The following ZDHHC21 variants were observed in gnomAD, a reference collection of about 807,000 sequenced individuals.
ZDHHC21 encodes the protein zDHHC palmitoyltransferase 21.
A neutral mutation model predicts 34.6 loss-of-function variants in ZDHHC21; 15 were observed. The ratio of observed to expected loss-of-function variants is 0.43; its 90% CI spans 0.29 to 0.67. ZDHHC21 has a LOEUF of 0.67. ZDHHC21 is among the 30% of genes least tolerant of loss of function. ZDHHC21 has a pLI of 0.14. For synonymous variants in ZDHHC21, 142 were observed against 101.8 expected, an observed-to-expected ratio of 1.40 and a Z score of -2.38; for missense variants, 344 against 327.7, an observed-to-expected ratio of 1.05 and a Z score of -0.38.
chr9:14,682,173 C>A (rs960559076), intron 2 of ZDHHC21, among the ~76,000 whole-genome samples: 32 of 152,150 alleles, frequency 2.1e-4, no homozygotes, highest in Non-Finnish European at 3.7e-4. Flanking sequence ...ATGACAGGAT[C>A]AAATTCACAC....
chr9:14,643,142 C>T (rs186982228), intron 7 of ZDHHC21, among the ~76,000 whole-genome samples: 128 of 152,074 alleles, frequency 8.4e-4, no homozygotes, highest in African/African-American at 2.8e-3. Context: ...AGCTACTAGG[C>T]GGGGCTGAGG....
At chr9:14,671,276 T>C (rs1391966177) in intron 5 of ZDHHC21, among the ~76,000 whole-genome samples, 1 of 152,120 alleles carries the variant, frequency 6.6e-6, no homozygotes, top group Non-Finnish European at 1.5e-5. Context: ...ACCTTCTACA[T>C]GAGTCTTTTA....
intron 7 of ZDHHC21, among the ~76,000 whole-genome samples, chr9:14,640,471 T>G (rs1384787606): frequency 6.6e-6 from 1 of 152,146 alleles, no homozygotes; most frequent in Non-Finnish European, 1.5e-5. Context: ...GTGACCAAGA[T>G]ATCTAGAAAT....
intron 7 of ZDHHC21, among the ~76,000 whole-genome samples, chr9:14,640,440 A>C (rs1008831575): frequency 6.6e-6 from 1 of 152,124 alleles, no homozygotes; most frequent in Non-Finnish European, 1.5e-5. Flanking sequence ...ACACAGCATG[A>C]TTCATATTAC....
intron 3 of ZDHHC21, 55 bp from the exon 4 acceptor site, chr9:14,674,440 C>T: frequency 1.6e-6 from 2 of 1,213,920 alleles, no homozygotes; most frequent in East Asian, 2.9e-5. Context: ...TTGACTAAAA[C>T]CTGTATTTCT....
Position 14,612,660 on chromosome 9 carries a change from G to T in ZDHHC21, c.*6306C>A, listed in dbSNP as rs1823501428. 6.6e-6 allele frequency: 1 copy of T among 151,462 alleles called. No homozygotes were observed. Among genetic ancestry groups the T allele is most frequent in the Non-Finnish European group, 1.5e-5 (1 of 67,736 alleles). The allele number at this position is 151,462 out of a possible 1,614,324, so 9.4% of individuals were successfully genotyped here. ...GTTTTGCTTAAATCAAGGTACATATGCATTTCCTCTTGGGAAAGCATCTCT... is the reference window on the plus strand; with the variant it reads ...GTTTTGCTTAAATCAAGGTACATATTCATTTCCTCTTGGGAAAGCATCTCT... On this transcript the variant is annotated 3_prime_UTR_variant, in exon 10 of 10. Coordinates refer to ENST00000380916, the MANE Select transcript of ZDHHC21 (RefSeq NM_178566.6).
intron 5 of ZDHHC21, 62 bp downstream of exon 5, chr9:14,672,768 A>T (rs565537851): frequency 8.8e-7 from 1 of 1,138,122 alleles, no homozygotes; most frequent in Non-Finnish European, 1.3e-6. Flanking sequence ...AAGGCAATAA[A>T]ATATGTAAAT....
At chr9:14,597,971 C>T in the ZDHHC21 span, among the ~76,000 whole-genome samples, 1 of 152,204 alleles carries the variant, frequency 6.6e-6, no homozygotes, top group Non-Finnish European at 1.5e-5. Context: ...GCCCAGCTCA[C>T]TGCCACCGCA....
At chr9:14,690,152 T>C (rs971560918) in intron 2 of ZDHHC21, among the ~76,000 whole-genome samples, 185 bp downstream of exon 2, 24 of 152,186 alleles carry the variant, frequency 1.6e-4, no homozygotes, top group African/African-American at 5.8e-4. Flanking sequence ...TTCCTGGGTA[T>C]GAATCAAGTA....
chr9:14,654,152 A>G (rs1831761182), intron 7 of ZDHHC21, among the ~76,000 whole-genome samples: 1 of 152,042 alleles, frequency 6.6e-6, no homozygotes, highest in Non-Finnish European at 1.5e-5. Flanking sequence ...AATCCACAAT[A>G]AACACCTCAG....
intron 8 of ZDHHC21, among the ~76,000 whole-genome samples, chr9:14,630,122 T>C (rs1586946611): frequency 1.3e-5 from 2 of 152,338 alleles, no homozygotes; most frequent in South Asian, 4.1e-4. Context: ...GATTTCTCTG[T>C]AGCATGCGAT....
intron 2 of ZDHHC21, among the ~76,000 whole-genome samples, chr9:14,683,236 A>G (rs1360032943): frequency 1.3e-5 from 2 of 152,206 alleles, no homozygotes; most frequent in African/African-American, 4.8e-5. Flanking sequence ...AAAAAAATCA[A>G]TGAATCCAGG....
intron 2 of ZDHHC21, among the ~76,000 whole-genome samples, 192 bp downstream of exon 2, chr9:14,690,145 C>T (rs1838951562): frequency 6.6e-6 from 1 of 152,136 alleles, no homozygotes; most frequent in African/African-American, 2.4e-5. Flanking sequence ...CAGGCTTTTC[C>T]TGGGTATGAA....
intron 3 of ZDHHC21, among the ~76,000 whole-genome samples, chr9:14,679,123 C>A (rs954901111): frequency 6.6e-6 from 1 of 152,000 alleles, no homozygotes; most frequent in Non-Finnish European, 1.5e-5. Flanking sequence ...AAGATTGTTG[C>A]ATGTCATGGT....
chr9:14,658,344 GCTTTTGTTGTTTTGTTTCCAAT>G (rs571958458), intron 7 of ZDHHC21, among the ~76,000 whole-genome samples: 4,725 of 149,918 alleles, frequency 0.032, 248 homozygotes, highest in African/African-American at 0.11. Context: ...TTGGGAGTTT[GCTTTTGTTGTTTTGTTTCCAAT>G]CTTTTGTTGT....
chr9:14,596,840 G>T, the ZDHHC21 span, among the ~76,000 whole-genome samples: 1 of 152,250 alleles, frequency 6.6e-6, no homozygotes, highest in South Asian at 2.1e-4. Context: ...GTGAGTAGAA[G>T]ATCACACATT....
chr9:14,635,195 G>A (rs920365079), intron 8 of ZDHHC21, among the ~76,000 whole-genome samples: 2 of 152,150 alleles, frequency 1.3e-5, no homozygotes, highest in Non-Finnish European at 2.9e-5. Context: ...ATACCATGAA[G>A]TGACCAAATA....
At chr9:14,676,785 T>C (rs537416929) in intron 3 of ZDHHC21, among the ~76,000 whole-genome samples, 3 of 152,006 alleles carry the variant, frequency 2.0e-5, no homozygotes, top group Non-Finnish European at 4.4e-5. Context: ...ATCTACACAG[T>C]TAAAAAGAGA....
At chr9:14,672,451 A>C (rs1445988723) in intron 5 of ZDHHC21, among the ~76,000 whole-genome samples, 1 of 152,120 alleles carries the variant, frequency 6.6e-6, no homozygotes, top group African/African-American at 2.4e-5. Flanking sequence ...ATCTCTGTAC[A>C]TAGATCCATG....
Sources: allele counts gnomAD v4.1 joint callset (sites outside exome capture counted in the v4.1 genomes callset), GRCh38; gene constraint gnomAD v4.1.1; transcripts MANE v1.5; gene names NCBI Gene and HGNC (gene_info 2026-07-23, HGNC 2026-07-21).